Variants in MSRA observed in about 807,000 individuals in gnomAD.
MSRA encodes the protein mitochondrial peptide methionine sulfoxide reductase.
In MSRA, 54 loss-of-function variants were observed where a neutral mutation model predicts 31.3. The observed-to-expected ratio is 1.73, with a 90% CI of 1.39 to 2.17. The LOEUF is 2.17. Among genes scored for constraint, MSRA ranks in the 30% most tolerant of loss-of-function variants. The pLI, the probability that MSRA is intolerant of heterozygous loss-of-function variation, is 0.00. For synonymous variants in MSRA, 169 were observed against 116.5 expected, an observed-to-expected ratio of 1.45 and a Z score of -2.90; for missense variants, 507 against 300.9, an observed-to-expected ratio of 1.69 and a Z score of -5.07.
chr8:10,303,760 C>G (rs909133698), intron 4 of MSRA, among the ~76,000 whole-genome samples: 2 of 152,090 alleles, frequency 1.3e-5, no homozygotes, highest in African/African-American at 2.4e-5. Flanking sequence ...AAGGGTAGGG[C>G]GAGAGATCCT....
chr8:10,116,057 T>C (rs1326410181), intron 1 of MSRA, among the ~76,000 whole-genome samples: 3 of 152,154 alleles, frequency 2.0e-5, no homozygotes, highest in Non-Finnish European at 4.4e-5. Context: ...TTGGAGCTGC[T>C]GAAATGGTAG....
intron 1 of MSRA, among the ~76,000 whole-genome samples, chr8:10,059,955 G>T (rs942420798): frequency 6.6e-6 from 1 of 152,148 alleles, no homozygotes; most frequent in Non-Finnish European, 1.5e-5. Context: ...GAACTTTGAC[G>T]ATACACTGTG....
At chr8:10,187,788 G>A (rs945928799) in intron 1 of MSRA, among the ~76,000 whole-genome samples, 4 of 152,150 alleles carry the variant, frequency 2.6e-5, no homozygotes, top group African/African-American at 9.7e-5. Context: ...ATTGTACTCT[G>A]GATATTTCTG....
chr8:10,210,936 A>C (rs894337149), intron 2 of MSRA, among the ~76,000 whole-genome samples: 11 of 150,360 alleles, frequency 7.3e-5, no homozygotes, highest in Middle Eastern at 3.4e-3. Flanking sequence ...GGGTTTTTCC[A>C]TGTTGGCCAG....
At chr8:10,202,317 G>C (rs528854022) in intron 1 of MSRA, among the ~76,000 whole-genome samples, 56 of 152,232 alleles carry the variant, frequency 3.7e-4, no homozygotes, top group African/African-American at 1.3e-3. Flanking sequence ...GTCATTTCTT[G>C]GTTGTAAAGA....
At chr8:10,234,314 C>T (rs999661370) in intron 2 of MSRA, among the ~76,000 whole-genome samples, 2 of 152,088 alleles carry the variant, frequency 1.3e-5, no homozygotes, top group Admixed American at 6.6e-5. Flanking sequence ...AATCTTTACA[C>T]TGCGGTAATG....
intron 4 of MSRA, among the ~76,000 whole-genome samples, chr8:10,307,129 C>T (rs1801181226): frequency 6.6e-6 from 1 of 151,462 alleles, no homozygotes; most frequent in African/African-American, 2.4e-5. Context: ...CTAGAGGAAT[C>T]CAAGCTTCCT....
At chr8:10,055,927 G>T (rs1409567573) in intron 1 of MSRA, among the ~76,000 whole-genome samples, 2 of 152,054 alleles carry the variant, frequency 1.3e-5, no homozygotes, top group Admixed American at 1.3e-4. Context: ...CTGCTACTCA[G>T]CCGTAAAAGT....
chr8:10,392,664 A>G (rs1585665182), intron 5 of MSRA, among the ~76,000 whole-genome samples: 1 of 141,898 alleles, frequency 7.0e-6, no homozygotes, highest in African/African-American at 2.5e-5. Context: ...TGTGACCATC[A>G]CTTGGCCTCT....
intron 1 of MSRA, among the ~76,000 whole-genome samples, chr8:10,187,046 T>C (rs530742420): frequency 1.3e-5 from 2 of 152,338 alleles, no homozygotes; most frequent in East Asian, 3.9e-4. Context: ...GGGACTTACT[T>C]TGAGCTTAAC....
chr8:10,090,318 G>A (rs1236382442), intron 1 of MSRA, among the ~76,000 whole-genome samples: 5 of 152,206 alleles, frequency 3.3e-5, no homozygotes, highest in Non-Finnish European at 5.9e-5. Context: ...GATGGAATCA[G>A]GAATGCTGGA....
intron 1 of MSRA, among the ~76,000 whole-genome samples, chr8:10,136,442 C>T (rs574227918): frequency 1.2e-4 from 19 of 152,276 alleles, no homozygotes; most frequent in African/African-American, 2.9e-4. Context: ...CTCTCTCGTA[C>T]GCAAGAAACA....
At chr8:10,135,914 C>T (rs1326756242) in intron 1 of MSRA, among the ~76,000 whole-genome samples, 1 of 152,142 alleles carries the variant, frequency 6.6e-6, no homozygotes, top group African/African-American at 2.4e-5. Context: ...GATGCTTTAT[C>T]TAATAATCAC....
chr8:10,335,851 C>T (rs1332138484), intron 5 of MSRA, among the ~76,000 whole-genome samples: 2 of 152,194 alleles, frequency 1.3e-5, no homozygotes, highest in South Asian at 4.1e-4. Flanking sequence ...CATAAGGAGC[C>T]TGGGAGGCTG....
intron 1 of MSRA, among the ~76,000 whole-genome samples, chr8:10,109,445 G>A (rs1030832576): frequency 4.6e-5 from 7 of 151,394 alleles, no homozygotes; most frequent in South Asian, 2.1e-4. Flanking sequence ...GGGCTCAAAC[G>A]ATCCTTCCAC....
At chr8:10,158,632 T>A (rs1804378370) in intron 1 of MSRA, among the ~76,000 whole-genome samples, 1 of 152,234 alleles carries the variant, frequency 6.6e-6, no homozygotes, top group Admixed American at 6.5e-5. Context: ...TATTCATCAG[T>A]TGACAGACAT....
Position 10,368,379 on chromosome 8 carries a change from C to G in MSRA, c.543+48390C>G, listed in dbSNP as rs377383356. On this transcript the variant is annotated intron_variant, in intron 5 of 5. Transcript: ENST00000317173. The stretch of plus-strand genomic sequence containing the variant: ...TGTGCAGATAAGATGGAGTGCAGCA[C>G]TATCATTTGATTTGCTAAAAGATGT... Among the ~76,000 whole-genome samples the G allele has an allele frequency of 2.0e-5, 3 of 152,374 alleles. No individual in the cohort carries two copies. The East Asian group carries it at 5.8e-4, about 29-fold the overall frequency.
intron 2 of MSRA, among the ~76,000 whole-genome samples, chr8:10,221,603 T>C (rs1810508662): frequency 1.3e-5 from 2 of 152,114 alleles, no homozygotes; most frequent in South Asian, 4.1e-4. Flanking sequence ...GGTTTATTTA[T>C]TGCAACAGGA....
chr8:10,374,661 T>C (rs552370771), intron 5 of MSRA, among the ~76,000 whole-genome samples: 1 of 152,352 alleles, frequency 6.6e-6, no homozygotes, highest in African/African-American at 2.4e-5. Flanking sequence ...TCTGACAGTT[T>C]AGCGTGCATT....
Sources: gnomAD v4.1 joint callset for allele counts (sites outside exome capture counted in the v4.1 genomes callset) on GRCh38, gnomAD v4.1.1 for gene constraint, MANE v1.5 for transcripts, NCBI Gene and HGNC (gene_info 2026-07-23, HGNC 2026-07-21) for gene names.